The following INSL6 variants were observed in gnomAD, a reference collection of about 807,000 sequenced individuals.
The protein encoded by INSL6 is insulin like 6, also known as insulin-like peptide INSL6.
INSL6 carries 16 observed loss-of-function variants against 9.4 expected under a neutral mutation model. That is an observed-to-expected ratio of 1.70 (90% CI 1.15 to 2.59). The LOEUF (loss-of-function observed/expected upper bound fraction) is 2.59. Ranked by LOEUF, INSL6 falls within the 30% of genes most tolerant of loss-of-function variation. The pLI, the probability that INSL6 is intolerant of heterozygous loss-of-function variation, is 0.00. For synonymous variants in INSL6, 154 were observed against 96.9 expected (o/e 1.59, Z -3.46); for missense variants, 391 against 257.3 (o/e 1.52, Z -3.56).
At chr9:5,132,210 G>A (rs984549999) in intron 3 of INSL6, 11 of 152,078 alleles carry the variant, frequency 7.2e-5, no homozygotes, top group African/African-American at 2.7e-4. Context: ...TTCAGAGGAA[G>A]AAAATTCTAA....
intron 1 of INSL6, among the ~76,000 whole-genome samples, chr9:5,181,042 T>C (rs1173231259): frequency 1.3e-5 from 2 of 152,220 alleles, no homozygotes; most frequent in Non-Finnish European, 2.9e-5. Context: ...AATTCCTTTC[T>C]TTGTACTCTT....
At chr9:5,077,518 T>G in the INSL6 span, 2 of 1,464,146 alleles carry the variant, frequency 1.4e-6, no homozygotes, top group African/African-American at 2.9e-5. Flanking sequence ...GAATAAAAAT[T>G]GTATAAATAT....
chr9:5,002,369 C>A, the INSL6 span, among the ~76,000 whole-genome samples: 1 of 151,842 alleles, frequency 6.6e-6, no homozygotes, highest in African/African-American at 2.4e-5. Context: ...TTTCTGATTT[C>A]CCTTTTAATT....
chr9:5,136,145 A>G (rs1003920050), intron 2 of INSL6, among the ~76,000 whole-genome samples: 6 of 152,216 alleles, frequency 3.9e-5, no homozygotes, highest in Non-Finnish European at 8.8e-5. Flanking sequence ...ACCAGCTAAA[A>G]AAAAGTCCAG....
the INSL6 span, among the ~76,000 whole-genome samples, chr9:5,104,669 G>A: frequency 6.6e-6 from 1 of 152,116 alleles, no homozygotes; most frequent in Admixed American, 6.5e-5. Context: ...ATAAAATACT[G>A]GCAAACCCAA....
At chr9:5,111,287 G>A in the INSL6 span, 2 of 478,700 alleles carry the variant, frequency 4.2e-6, no homozygotes, top group Non-Finnish European at 4.0e-6. Flanking sequence ...CTGGCTTCCT[G>A]CCGGGCAAGC....
At chr9:5,067,655 AATATAT>A in the INSL6 span, among the ~76,000 whole-genome samples, 1 of 151,460 alleles carries the variant, frequency 6.6e-6, no homozygotes. Context: ...AATTCAAAAA[AATATAT>A]ATATATATTT....
chr9:5,173,626 A>G (rs1175689730), intron 1 of INSL6, among the ~76,000 whole-genome samples: 6 of 152,010 alleles, frequency 3.9e-5, no homozygotes, highest in Non-Finnish European at 8.8e-5. Context: ...GGGTTGGGGG[A>G]GGGCCAGCAT....
At chr9:5,043,058 C>T in the INSL6 span, among the ~76,000 whole-genome samples, 1 of 152,204 alleles carries the variant, frequency 6.6e-6, no homozygotes, top group African/African-American at 2.4e-5. Flanking sequence ...GGGCTCGTGG[C>T]TTCCTGTCTC....
chr9:5,019,526 T>C, the INSL6 span, among the ~76,000 whole-genome samples: 1 of 152,216 alleles, frequency 6.6e-6, no homozygotes, highest in Non-Finnish European at 1.5e-5. Flanking sequence ...TTTTCTGGCA[T>C]TTCATGAATT....
chr9:5,165,994 T>A (rs1003576326), intron 1 of INSL6, among the ~76,000 whole-genome samples: 2 of 152,190 alleles, frequency 1.3e-5, no homozygotes, highest in African/African-American at 2.4e-5. Flanking sequence ...TCTGTCACAA[T>A]GGCTAGCAAT....
At chr9:5,126,748 T>C in intron 3 of INSL6, 1 of 1,610,964 alleles carries the variant, frequency 6.2e-7, no homozygotes, top group Non-Finnish European at 8.5e-7. Flanking sequence ...TTTAGGGATC[T>C]AGCTCTTCGA....
chr9:5,023,169 A>G, the INSL6 span, among the ~76,000 whole-genome samples: 1 of 152,114 alleles, frequency 6.6e-6, no homozygotes, highest in Non-Finnish European at 1.5e-5. Flanking sequence ...CTTCCCACCC[A>G]TATAACCTTG....
At chr9:5,162,331 A>G (rs1039713594), downstream of INSL6, among the ~76,000 whole-genome samples, 1 of 152,234 alleles carries the variant, frequency 6.6e-6, no homozygotes, top group African/African-American at 2.4e-5. Flanking sequence ...GGCTGACATT[A>G]AACCAAAAAG....
At chr9:5,038,078 G>T in the INSL6 span, among the ~76,000 whole-genome samples, 2 of 152,098 alleles carry the variant, frequency 1.3e-5, no homozygotes, top group African/African-American at 2.4e-5. Context: ...GTGATGCTGA[G>T]AATTTTTTGA....
chr9:5,151,027 A>C (rs1019664288), intron 2 of INSL6, among the ~76,000 whole-genome samples: 2 of 152,220 alleles, frequency 1.3e-5, no homozygotes, highest in African/African-American at 4.8e-5. Flanking sequence ...GACCTAAATA[A>C]TGTACACACA....
At chr9:5,014,164 CTTTTTTTTT>C in the INSL6 span, among the ~76,000 whole-genome samples, 1 of 117,542 alleles carries the variant, frequency 8.5e-6, no homozygotes, top group Non-Finnish European at 1.9e-5. Context: ...TTTACTCTTT[CTTTTTTTTT>C]TTTTTTTTTT....
At chr9:5,147,007 C>T (rs1824612792) in intron 2 of INSL6, among the ~76,000 whole-genome samples, 1 of 152,108 alleles carries the variant, frequency 6.6e-6, no homozygotes, top group African/African-American at 2.4e-5. Context: ...TGCAAGATTA[C>T]CCTTCAGAGA....
At chr9:5,041,250 TC>T in the INSL6 span, 1 of 1,447,832 alleles carries the variant, frequency 6.9e-7, no homozygotes, top group Non-Finnish European at 9.6e-7. Context: ...CAGCACGCCA[TC>T]CACATCATCG....
Sources: gnomAD v4.1 joint callset for allele counts (sites outside exome capture counted in the v4.1 genomes callset) on GRCh38, gnomAD v4.1.1 for gene constraint, MANE v1.5 for transcripts, NCBI Gene and HGNC (gene_info 2026-07-23, HGNC 2026-07-21) for gene names.